RXRG: variants seen among roughly 807,000 people sequenced by gnomAD.
RXRG encodes the protein retinoid X receptor gamma.
A neutral mutation model predicts 49.2 loss-of-function variants in RXRG; 19 were observed. The observed-to-expected ratio is 0.39, with a 90% CI of 0.27 to 0.57. The LOEUF (loss-of-function observed/expected upper bound fraction) is 0.57. Among genes scored for constraint, RXRG ranks in the 20% least tolerant of loss-of-function variants. The pLI, the probability that RXRG is intolerant of heterozygous loss-of-function variation, is 0.64. For missense variants in RXRG, 452 were observed against 592.5 expected, an observed-to-expected ratio of 0.76 and a Z score of 2.46; for synonymous variants, 224 against 216.6, an observed-to-expected ratio of 1.03 and a Z score of -0.30.
At chr1:165,425,347 C>G (rs1356100537) in intron 2 of RXRG, among the ~76,000 whole-genome samples, 1 of 152,090 alleles carries the variant, frequency 6.6e-6, no homozygotes, top group East Asian at 1.9e-4. Flanking sequence ...TAGGTTTTTG[C>G]CTGTCCTGCC....
chr1:165,421,592 C>T (rs1175465777), intron 2 of RXRG, among the ~76,000 whole-genome samples: 1 of 150,176 alleles, frequency 6.7e-6, no homozygotes, highest in African/African-American at 2.5e-5. Flanking sequence ...TGCAGTGGTG[C>T]CATCTCAGCT....
chr1:165,418,940 A>G (rs917432438), intron 3 of RXRG, among the ~76,000 whole-genome samples: 1 of 152,256 alleles, frequency 6.6e-6, no homozygotes, highest in African/African-American at 2.4e-5. Context: ...GGAACTTTCA[A>G]TGGAGTGACA....
At chr1:165,420,236 A>G (rs1658267486) in intron 2 of RXRG, among the ~76,000 whole-genome samples, 1 of 152,230 alleles carries the variant, frequency 6.6e-6, no homozygotes, top group Non-Finnish European at 1.5e-5. Context: ...ACTTAAACCA[A>G]AAATCACAAC....
intron 1 of RXRG, among the ~76,000 whole-genome samples, chr1:165,431,516 T>C (rs1393006521): frequency 2.0e-5 from 3 of 152,254 alleles, no homozygotes; most frequent in Non-Finnish European, 4.4e-5. Context: ...TAAACTCCAC[T>C]GAGAAGACAG....
At chr1:165,419,527 A>T (rs1658240224) in intron 3 of RXRG, among the ~76,000 whole-genome samples, 1 of 152,030 alleles carries the variant, frequency 6.6e-6, no homozygotes, top group African/African-American at 2.4e-5. Flanking sequence ...AGTAGCTGGG[A>T]CTACACCAAA....
At chr1:165,424,408 G>C (rs1296071092) in intron 2 of RXRG, among the ~76,000 whole-genome samples, 2 of 152,192 alleles carry the variant, frequency 1.3e-5, no homozygotes, top group African/African-American at 4.8e-5. Context: ...CCAAGTTACT[G>C]CTATAGAGCA....
chr1:165,444,972 G>A lies in RXRG; in HGVS notation c.-79C>T. The A allele has an allele frequency of 7.2e-7, 1 of 1,392,974 alleles. No homozygotes were observed. 86.3% of individuals were successfully genotyped at this position (1,392,974 alleles called of 1,614,324 possible). A position where few individuals can be genotyped will look rare whatever the true frequency, so the allele number is the denominator to read the frequency against. On this transcript the variant is annotated 5_prime_UTR_variant, in exon 1 of 10. Coordinates refer to ENST00000359842, the MANE Select transcript of RXRG (RefSeq NM_006917.5). ...TCTCTCGGCTCCCAGGCACAGCCCGGCTTTCTTCAACTTGGGCTAACAAGA... is the reference window on the plus strand; with the variant it reads ...TCTCTCGGCTCCCAGGCACAGCCCGACTTTCTTCAACTTGGGCTAACAAGA...
chr1:165,431,618 T>C (rs1183154424), intron 1 of RXRG, among the ~76,000 whole-genome samples: 1 of 152,190 alleles, frequency 6.6e-6, no homozygotes, highest in East Asian at 1.9e-4. Flanking sequence ...ACCCTGCAAC[T>C]TTCCTTTTTA....
chr1:165,423,679 T>C (rs192040983), intron 2 of RXRG, among the ~76,000 whole-genome samples: 196 of 150,360 alleles, frequency 1.3e-3, no homozygotes, highest in African/African-American at 4.5e-3. Context: ...TATTTCCCCA[T>C]TTCTAGGTGA....
chr1:165,428,315 G>A (rs1658557316), intron 2 of RXRG, among the ~76,000 whole-genome samples: 1 of 152,142 alleles, frequency 6.6e-6, no homozygotes, highest in African/African-American at 2.4e-5. Flanking sequence ...TAAGCTCCTG[G>A]AAAGCAATGG....
chr1:165,406,832 C>T lies in RXRG; in HGVS notation c.1224G>A (p.Lys408=). 6.2e-7 allele frequency: 1 copy of T among 1,613,890 alleles called. No homozygotes were observed. The highest frequency in any genetic ancestry group is 8.5e-7 in the Non-Finnish European group (1 of 1,179,886). The change falls in exon 9 of 10, where the codon AAG becomes AAA. Residue 408 remains lysine, a synonymous_variant. Coordinates refer to ENST00000359842, the MANE Select transcript of RXRG (RefSeq NM_006917.5). ...YATLEAYTKQ[K]YPEQPGRFAK... ...CTCACCTGCCTGGCTGTTCCGGATA[C>T]TTCTGCTTGGTGTAGGCCTCAAGGG...
chr1:165,409,514 C>T, intron 7 of RXRG, 44 bp downstream of exon 7: 4 of 1,401,208 alleles, frequency 2.9e-6, no homozygotes, highest in Non-Finnish European at 3.7e-6. Flanking sequence ...CACACACACA[C>T]ACACACATAA....
rs563102540 is a variant in RXRG, at chr1:165,425,305, G to A, written c.297+3414C>T. On this transcript the variant is annotated intron_variant, in intron 2 of 9. Transcript: ENST00000359842. ...TATTTTATTTCTTTTCAGATATTAC[G>A]ATTTTTATTTGAAACTATCTTGTTT... Among the ~76,000 whole-genome samples, 3 of 152,200 alleles carry A rather than the reference G, an allele frequency of 2.0e-5. No homozygotes were observed. In the South Asian group the frequency reaches 6.2e-4, roughly 32 times the overall value.
chr1:165,431,752 ACT>A (rs1258928063), intron 1 of RXRG, among the ~76,000 whole-genome samples: 1 of 152,078 alleles, frequency 6.6e-6, no homozygotes, highest in African/African-American at 2.4e-5. Flanking sequence ...TTTGCTTCAC[ACT>A]CATCACCCCA....
chr1:165,423,113 A>C (rs1658373977), intron 2 of RXRG, among the ~76,000 whole-genome samples: 1 of 152,074 alleles, frequency 6.6e-6, no homozygotes, highest in Non-Finnish European at 1.5e-5. Flanking sequence ...AGGTTGGTTG[A>C]TGTTTTCTCT....
intron 2 of RXRG, among the ~76,000 whole-genome samples, chr1:165,420,830 T>C (rs540149744): frequency 2.6e-5 from 4 of 152,262 alleles, no homozygotes; most frequent in African/African-American, 9.6e-5. Context: ...TCCTCAAAAA[T>C]GTACAATGTC....
chr1:165,424,257 T>C (rs1020185285), intron 2 of RXRG, among the ~76,000 whole-genome samples: 5 of 152,238 alleles, frequency 3.3e-5, no homozygotes, highest in Non-Finnish European at 5.9e-5. Context: ...CTCATACACA[T>C]TTTTGGTATC....
intron 1 of RXRG, among the ~76,000 whole-genome samples, chr1:165,429,309 G>T (rs1658599711): frequency 6.6e-6 from 1 of 152,200 alleles, no homozygotes; most frequent in African/African-American, 2.4e-5. Context: ...GGGCCAGCCA[G>T]CCAGGGAAGG....
intron 9 of RXRG, among the ~76,000 whole-genome samples, chr1:165,403,491 A>G (rs1396398792): frequency 6.6e-6 from 1 of 152,250 alleles, no homozygotes; most frequent in Non-Finnish European, 1.5e-5. Flanking sequence ...ATACAAGGAA[A>G]ATAAAGCGGC....
Sources: allele counts gnomAD v4.1 joint callset (sites outside exome capture counted in the v4.1 genomes callset), GRCh38; gene constraint gnomAD v4.1.1; transcripts MANE v1.5; gene names NCBI Gene and HGNC (gene_info 2026-07-23, HGNC 2026-07-21).